Variants in SLFN12L observed in about 807,000 individuals in gnomAD.
The protein encoded by SLFN12L is schlafen family member 12-like.
In SLFN12L, 34 loss-of-function variants were observed where a neutral mutation model predicts 34.8. The ratio of observed to expected loss-of-function variants is 0.98; its 90% CI spans 0.74 to 1.30. The LOEUF (loss-of-function observed/expected upper bound fraction) is 1.30, where lower values mean the gene tolerates loss of function less well. Among genes scored for constraint, SLFN12L ranks in the 50% most tolerant of loss-of-function variants. The pLI, the probability that SLFN12L is intolerant of heterozygous loss-of-function variation, is 0.00. For synonymous variants in SLFN12L, 259 were observed against 247.5 expected, an observed-to-expected ratio of 1.05 and a Z score of -0.44; for missense variants, 703 against 696.2, an observed-to-expected ratio of 1.01 and a Z score of -0.11.
rs1488358937 is a variant in SLFN12L, at chr17:35,490,781, C to A, written c.87-10586G>T. 6 of 1,490,804 alleles carry A rather than the reference C, an allele frequency of 4.0e-6. No individual in the cohort carries two copies. In the East Asian group the frequency reaches 1.4e-4, roughly 34 times the overall value. The allele number at this position is 1,490,804 out of a possible 1,614,324, so 92.3% of individuals were successfully genotyped here. On this transcript the variant is annotated intron_variant, in intron 2 of 4. Transcript: ENST00000628453. ...CAAACTGTTATAGTTGTGAAAGCCC[C>A]TCCAGAAATAAGACTTGAGTGCCTG... is the stretch of plus-strand genomic sequence containing the variant.
Position 35,465,617 on chromosome 17 carries a change from A to G in SLFN12L, c.*9306T>C, listed in dbSNP as rs1417510062. ...ATATAACATAAAAGGGATAAAGGAG[A>G]TAAGTATTCCCTGCTGCTTGTCCGT... is the stretch of plus-strand genomic sequence containing the variant. On this transcript the variant is annotated 3_prime_UTR_variant, in exon 5 of 5. Coordinates refer to ENST00000628453, the MANE Select transcript of SLFN12L (RefSeq NM_001363830.2). 6.6e-6 allele frequency among the ~76,000 whole-genome samples: 1 copy of G among 151,752 alleles called. No homozygotes were observed. Among genetic ancestry groups the G allele is most frequent in the Admixed American group, 6.6e-5 (1 of 15,214 alleles).
At chr17:35,519,116 C>CTT (rs1915924917) in intron 2 of SLFN12L, among the ~76,000 whole-genome samples, 3 of 152,284 alleles carry the variant, frequency 2.0e-5, no homozygotes, top group Admixed American at 6.5e-5. Context: ...CATGTTCTCA[C>CTT]TTATGAGTGG....
intron 1 of SLFN12L, among the ~76,000 whole-genome samples, chr17:35,527,958 A>G (rs913253374): frequency 6.6e-6 from 1 of 152,166 alleles, no homozygotes; most frequent in Non-Finnish European, 1.5e-5. Context: ...AAAACCCCAC[A>G]GTCTCAGCCC....
At chr17:35,495,900 A>AACACAC (rs58553128) in intron 2 of SLFN12L, among the ~76,000 whole-genome samples, 1,598 of 138,034 alleles carry the variant, frequency 0.012, 16 homozygotes, top group East Asian at 0.015. Context: ...GCCGATTTGA[A>AACACAC]ACACACACAC....
chr17:35,490,639 G>C, intron 2 of SLFN12L: 1 of 893,970 alleles, frequency 1.1e-6, no homozygotes, highest in South Asian at 1.3e-5. Flanking sequence ...GAAGAAATTA[G>C]ATGAACTGAT....
At chr17:35,508,780 T>C (rs998832157) in intron 2 of SLFN12L, among the ~76,000 whole-genome samples, 2 of 152,192 alleles carry the variant, frequency 1.3e-5, no homozygotes, top group Non-Finnish European at 2.9e-5. Flanking sequence ...CTGAGGAATA[T>C]TGCCTGCATT....
At chr17:35,482,049 A>G (rs1357563183) in intron 2 of SLFN12L, among the ~76,000 whole-genome samples, 1 of 152,002 alleles carries the variant, frequency 6.6e-6, no homozygotes, top group Admixed American at 6.5e-5. Context: ...TTTAGTAGAG[A>G]CAGCGTTTCA....
chr17:35,496,047 G>A (rs1451810028), intron 2 of SLFN12L, among the ~76,000 whole-genome samples: 1 of 151,870 alleles, frequency 6.6e-6, no homozygotes, highest in African/African-American at 2.4e-5. Flanking sequence ...CCTATTCCTG[G>A]GTGCTCAGTG....
intron 2 of SLFN12L, among the ~76,000 whole-genome samples, chr17:35,499,426 G>A (rs1400978448): frequency 1.3e-5 from 2 of 152,190 alleles, no homozygotes; most frequent in Admixed American, 1.3e-4. Flanking sequence ...CTGAAATGTG[G>A]ATAACAACCC....
chr17:35,464,414 C>A lies in SLFN12L; in HGVS notation c.*10509G>T, dbSNP rs1913688826. The A allele has an allele frequency of 6.7e-6, 1 of 150,178 alleles. No homozygotes were observed. The highest frequency in any genetic ancestry group is 6.6e-5 in the Admixed American group (1 of 15,044). The allele number at this position is 150,178 out of a possible 1,614,324, so 9.3% of individuals were successfully genotyped here. ...AGTTAACTTTTCTGCTCCTCTCCCT[C>A]CTCCCACCCTCCCCCCCTCAAATAG... On this transcript the variant is annotated 3_prime_UTR_variant, in exon 5 of 5. Coordinates refer to ENST00000628453, the MANE Select transcript of SLFN12L (RefSeq NM_001363830.2).
chr17:35,508,205 G>A (rs1915525424), intron 2 of SLFN12L, among the ~76,000 whole-genome samples: 1 of 152,200 alleles, frequency 6.6e-6, no homozygotes, highest in African/African-American at 2.4e-5. Flanking sequence ...CCTTTCATGT[G>A]GACCCCCTTA....
At chr17:35,511,370 A>G (rs1915639338) in intron 2 of SLFN12L, among the ~76,000 whole-genome samples, 1 of 152,232 alleles carries the variant, frequency 6.6e-6, no homozygotes, top group African/African-American at 2.4e-5. Flanking sequence ...ATGGTAAAAT[A>G]AACTTACTCA....
At chr17:35,506,032 A>G (rs2142154659) in intron 2 of SLFN12L, among the ~76,000 whole-genome samples, 1 of 152,338 alleles carries the variant, frequency 6.6e-6, no homozygotes, top group East Asian at 1.9e-4. Context: ...TATTCTATAC[A>G]AGGTATGTAG....
rs151301733 is a variant in SLFN12L, at chr17:35,525,582, A to G, written c.-605-2613T>C. 5.6e-3 allele frequency among the ~76,000 whole-genome samples: 859 copies of G among 152,350 alleles called. 6 individuals are homozygous for G. The highest frequency in any genetic ancestry group is 0.018 in the African/African-American group (751 of 41,574). ...AACATTCTTAAAGAAAAGAATCGTCAACCCAGAATTTCATATCCAGCCAAA... is the reference window on the plus strand; with the variant it reads ...AACATTCTTAAAGAAAAGAATCGTCGACCCAGAATTTCATATCCAGCCAAA... On this transcript the variant is annotated intron_variant, in intron 1 of 4. Coordinates refer to ENST00000628453, the MANE Select transcript of SLFN12L (RefSeq NM_001363830.2).
At chr17:35,501,712 C>T (rs552243486) in intron 2 of SLFN12L, among the ~76,000 whole-genome samples, 2 of 152,084 alleles carry the variant, frequency 1.3e-5, no homozygotes, top group Non-Finnish European at 2.9e-5. Flanking sequence ...TACTATGACA[C>T]CAGGAAAACT....
Position 35,477,632 on chromosome 17 carries a change from T to C in SLFN12L, c.1276+443A>G, listed in dbSNP as rs148370743. 2.2e-3 allele frequency among the ~76,000 whole-genome samples: 335 copies of C among 152,188 alleles called. 1 individual carries two copies. In the Middle Eastern group the frequency reaches 0.027, roughly 12 times the overall value. On this transcript the variant is annotated intron_variant, in intron 4 of 4. Transcript: ENST00000628453. ...AATGAGCAAAAGACAGAATCGCCAC[T>C]TCATAGAAGATAAAATATCTTCTAT...
At chr17:35,498,535 T>A in intron 2 of SLFN12L, 1 of 1,302,158 alleles carries the variant, frequency 7.7e-7, no homozygotes, top group Non-Finnish European at 1.1e-6. Context: ...CATCTCAGCC[T>A]GGTCCAGAAC....
intron 2 of SLFN12L, among the ~76,000 whole-genome samples, chr17:35,489,395 T>C (rs777567089): frequency 2.1e-4 from 31 of 151,014 alleles, no homozygotes; most frequent in Admixed American, 4.6e-4. Context: ...CTACAAATAA[T>C]TTTTTAAAAT....
intron 2 of SLFN12L, among the ~76,000 whole-genome samples, chr17:35,512,664 C>T (rs867726232): frequency 4.6e-5 from 7 of 152,262 alleles, no homozygotes; most frequent in Non-Finnish European, 8.8e-5. Flanking sequence ...CCGTGCCCAG[C>T]CTTTTTTCTT....
Sources: gnomAD v4.1 joint callset for allele counts (sites outside exome capture counted in the v4.1 genomes callset) on GRCh38, gnomAD v4.1.1 for gene constraint, MANE v1.5 for transcripts, NCBI Gene and HGNC (gene_info 2026-07-23, HGNC 2026-07-21) for gene names.